The following PRELID2 variants were observed in gnomAD, a reference collection of about 807,000 sequenced individuals.
PRELID2 encodes PRELI domain-containing protein 2.
PRELID2 carries 25 observed loss-of-function variants against 28.4 expected under a neutral mutation model. The ratio of observed to expected loss-of-function variants is 0.88; its 90% CI spans 0.64 to 1.23. PRELID2 has a LOEUF of 1.23. PRELID2 is among the 50% of genes most tolerant of loss of function. PRELID2 has a pLI of 0.00. For synonymous variants in PRELID2, 76 were observed against 71.6 expected (o/e 1.06, Z -0.31); for missense variants, 201 against 214.4 (o/e 0.94, Z 0.39).
At chr5:145,617,746 A>T (rs7448648) in intron 1 of PRELID2, among the ~76,000 whole-genome samples, 325 of 122,338 alleles carry the variant, frequency 2.7e-3, no homozygotes, top group African/African-American at 8.6e-3. Context: ...TTTTTTTTTT[A>T]AATTGAGACA....
intron 4 of PRELID2, among the ~76,000 whole-genome samples, chr5:145,805,943 A>AT (rs1025539833): frequency 6.6e-6 from 1 of 152,172 alleles, no homozygotes; most frequent in Non-Finnish European, 1.5e-5. Context: ...TACCATGTAT[A>AT]TACCGTTTAT....
chr5:145,644,808 C>T (rs1488256990), intron 1 of PRELID2, among the ~76,000 whole-genome samples: 1 of 152,250 alleles, frequency 6.6e-6, no homozygotes, highest in Non-Finnish European at 1.5e-5. Flanking sequence ...GTTCAGTTTC[C>T]ATATAGTTGT....
the PRELID2 span, among the ~76,000 whole-genome samples, chr5:145,256,111 A>G: frequency 6.6e-6 from 1 of 151,858 alleles, no homozygotes; most frequent in Admixed American, 6.6e-5. Context: ...AGGTGTCACC[A>G]AGATAGTGTT....
intron 1 of PRELID2, among the ~76,000 whole-genome samples, chr5:145,624,056 G>A (rs926552559): frequency 6.6e-6 from 1 of 152,102 alleles, no homozygotes; most frequent in African/African-American, 2.4e-5. Context: ...ACTCACGAAT[G>A]TGCTTTACTT....
chr5:145,584,233 C>T (rs1580984749), intron 1 of PRELID2, among the ~76,000 whole-genome samples: 1 of 152,070 alleles, frequency 6.6e-6, no homozygotes, highest in Non-Finnish European at 1.5e-5. Context: ...ACTGGCTAAC[C>T]ATATGCAGAA....
At chr5:145,390,595 G>T in the PRELID2 span, among the ~76,000 whole-genome samples, 1 of 152,244 alleles carries the variant, frequency 6.6e-6, no homozygotes, top group South Asian at 2.1e-4. Context: ...CTACAATTCA[G>T]GATGAGATTT....
chr5:145,331,373 TAA>T, the PRELID2 span, among the ~76,000 whole-genome samples: 17 of 152,178 alleles, frequency 1.1e-4, no homozygotes, highest in Non-Finnish European at 2.5e-4. Flanking sequence ...AGTGGGATCT[TAA>T]AGTCTCCCAC....
the PRELID2 span, among the ~76,000 whole-genome samples, chr5:145,290,859 G>A: frequency 2.7e-5 from 4 of 148,358 alleles, no homozygotes; most frequent in Non-Finnish European, 6.0e-5. Flanking sequence ...TTTTATTCTT[G>A]TAGCAGTGTC....
intron 1 of PRELID2, 112 bp downstream of exon 1, chr5:145,835,065 C>T (rs1755846231): frequency 1.4e-6 from 1 of 720,506 alleles, no homozygotes; most frequent in African/African-American, 1.8e-5. Context: ...AAGCAAAGCC[C>T]GCAGCTGGAA....
chr5:145,380,000 T>C, the PRELID2 span, among the ~76,000 whole-genome samples: 2 of 152,178 alleles, frequency 1.3e-5, no homozygotes, highest in African/African-American at 4.8e-5. Context: ...CTAAAGGCTA[T>C]GGGAACAAGT....
chr5:145,605,904 G>T (rs561728178), intron 1 of PRELID2, among the ~76,000 whole-genome samples: 149 of 152,098 alleles, frequency 9.8e-4, no homozygotes, highest in African/African-American at 3.5e-3. Flanking sequence ...CATGAGTATG[G>T]AATGTATTTC....
At chr5:145,821,227 G>T (rs527582662) in intron 2 of PRELID2, among the ~76,000 whole-genome samples, 1 of 138,636 alleles carries the variant, frequency 7.2e-6, no homozygotes, top group South Asian at 2.4e-4. Context: ...TTCTGTGTGT[G>T]TGTATGTGTG....
the PRELID2 span, among the ~76,000 whole-genome samples, chr5:145,241,857 G>A: frequency 6.6e-6 from 1 of 151,684 alleles, no homozygotes; most frequent in African/African-American, 2.4e-5. Context: ...AATCACTTAG[G>A]CCATAAATAC....
chr5:145,286,716 G>GTT, the PRELID2 span, among the ~76,000 whole-genome samples: 9 of 63,068 alleles, frequency 1.4e-4, no homozygotes, highest in African/African-American at 6.9e-4. Flanking sequence ...TTTTTTGTTT[G>GTT]TTTGTTTGTT....
intron 1 of PRELID2, among the ~76,000 whole-genome samples, chr5:145,712,228 T>G (rs1415830707): frequency 6.6e-6 from 1 of 152,244 alleles, no homozygotes; most frequent in Non-Finnish European, 1.5e-5. Context: ...CTTAAATAAA[T>G]GAATTACATT....
intron 1 of PRELID2, among the ~76,000 whole-genome samples, chr5:145,708,722 T>C (rs1413398671): frequency 1.3e-5 from 2 of 152,174 alleles, no homozygotes; most frequent in Non-Finnish European, 1.5e-5. Flanking sequence ...GAGCTGAGCC[T>C]TCAAAAGCAA....
the PRELID2 span, among the ~76,000 whole-genome samples, chr5:145,418,622 C>T: frequency 6.6e-6 from 1 of 152,098 alleles, no homozygotes; most frequent in African/African-American, 2.4e-5. Context: ...ACAAACCTGA[C>T]AAAAACAACC....
intron 1 of PRELID2, among the ~76,000 whole-genome samples, chr5:145,731,932 G>A (rs1756359048): frequency 1.3e-5 from 2 of 152,140 alleles, no homozygotes; most frequent in African/African-American, 4.8e-5. Context: ...GTTCAATGAG[G>A]AAAGTAAAAA....
Position 145,673,612 on chromosome 5 carries a change from AATAAAT to A in PRELID2, n.70+91313_70+91318del, listed in dbSNP as rs199727953. Among the ~76,000 whole-genome samples, 1,184 of 152,294 alleles carry A rather than the reference AATAAAT, an allele frequency of 7.8e-3. 5 individuals carry two copies. Among genetic ancestry groups the A allele is most frequent in the Non-Finnish European group, 0.012 (810 of 68,030 alleles). On this transcript the variant is annotated intron_variant and non_coding_transcript_variant, in intron 1 of 2. Transcript: ENST00000510259. ...TGAGATCAAAGCTCTCAATCATATC[AATAAAT>A]ATAAATGGGCATAATAAATCTATAA...
Sources: gnomAD v4.1 joint callset for allele counts (sites outside exome capture counted in the v4.1 genomes callset) on GRCh38, gnomAD v4.1.1 for gene constraint, MANE v1.5 for transcripts, NCBI Gene and HGNC (gene_info 2026-07-23, HGNC 2026-07-21) for gene names.